Variants in DNAJC1 observed in about 807,000 individuals in gnomAD.
The protein encoded by DNAJC1 is DnaJ heat shock protein family (Hsp40) member C1.
In DNAJC1, 58 loss-of-function variants were observed where a neutral mutation model predicts 76.6. The ratio of observed to expected loss-of-function variants is 0.76; its 90% CI spans 0.61 to 0.94. DNAJC1 has a LOEUF of 0.94. Among genes scored for constraint, DNAJC1 ranks in the 40% least tolerant of loss-of-function variants. The pLI is 0.00. For synonymous variants in DNAJC1, 258 were observed against 267.9 expected, an observed-to-expected ratio of 0.96 and a Z score of 0.36; for missense variants, 689 against 677.3, an observed-to-expected ratio of 1.02 and a Z score of -0.19.
chr10:21,797,831 C>A (rs772078017), intron 9 of DNAJC1, among the ~76,000 whole-genome samples: 1 of 152,104 alleles, frequency 6.6e-6, no homozygotes, highest in Non-Finnish European at 1.5e-5. Context: ...TTCTCAGCCT[C>A]CAGAATTGTA....
At chr10:21,875,069 C>T (rs774856324) in intron 8 of DNAJC1, among the ~76,000 whole-genome samples, 15 of 152,200 alleles carry the variant, frequency 9.9e-5, no homozygotes, top group Non-Finnish European at 1.3e-4. Flanking sequence ...GTAGTAGAGA[C>T]GGCCTTTCAC....
chr10:21,822,734 G>T (rs1015702460), intron 8 of DNAJC1, among the ~76,000 whole-genome samples: 1 of 151,932 alleles, frequency 6.6e-6, no homozygotes, highest in Non-Finnish European at 1.5e-5. Context: ...AACATATCAA[G>T]CCAAATTGCT....
intron 1 of DNAJC1, among the ~76,000 whole-genome samples, chr10:21,969,223 CAAAAAA>C (rs561143181): frequency 2.3e-5 from 2 of 87,052 alleles, no homozygotes; most frequent in South Asian, 4.2e-4. Flanking sequence ...GACTCCATTT[CAAAAAA>C]AAAAAAAAAA....
intron 6 of DNAJC1, among the ~76,000 whole-genome samples, chr10:21,906,376 C>T (rs542294548): frequency 6.6e-6 from 1 of 152,102 alleles, no homozygotes; most frequent in Admixed American, 6.5e-5. Flanking sequence ...AAAAAGTCAA[C>T]CCTAAAGAAG....
intron 1 of DNAJC1, among the ~76,000 whole-genome samples, chr10:21,932,315 G>A (rs111752792): frequency 2.0e-5 from 3 of 152,228 alleles, no homozygotes; most frequent in African/African-American, 4.8e-5. Flanking sequence ...ACTCCAGCCC[G>A]GGTGACACAG....
At chr10:21,817,101 A>G (rs955806270) in intron 8 of DNAJC1, among the ~76,000 whole-genome samples, 14 of 134,486 alleles carry the variant, frequency 1.0e-4, no homozygotes, top group African/African-American at 3.9e-4. Flanking sequence ...TGGAGCTTGC[A>G]GTGAGCTGAG....
chr10:21,843,770 C>T (rs1724689155), intron 8 of DNAJC1, among the ~76,000 whole-genome samples: 1 of 150,792 alleles, frequency 6.6e-6, no homozygotes, highest in African/African-American at 2.4e-5. Context: ...GAGGAAGTCT[C>T]ACTCTGTCAT....
intron 8 of DNAJC1, among the ~76,000 whole-genome samples, chr10:21,815,378 C>G (rs981131509): frequency 6.6e-6 from 1 of 152,138 alleles, no homozygotes; most frequent in Non-Finnish European, 1.5e-5. Context: ...AAGGTGGAAT[C>G]TGTACAATCG....
chr10:21,969,354 T>C (rs1023859387), intron 1 of DNAJC1, among the ~76,000 whole-genome samples: 1 of 152,086 alleles, frequency 6.6e-6, no homozygotes, highest in Admixed American at 6.6e-5. Context: ...TAGCAACATT[T>C]CCAAAATAGG....
chr10:21,798,504 C>T (rs1323135283), intron 9 of DNAJC1, among the ~76,000 whole-genome samples: 1 of 152,154 alleles, frequency 6.6e-6, no homozygotes, highest in Non-Finnish European at 1.5e-5. Flanking sequence ...CCTTGTTGGG[C>T]CTTGCAAACC....
intron 1 of DNAJC1, among the ~76,000 whole-genome samples, chr10:22,001,247 CAA>C (rs1234124573): frequency 6.6e-6 from 1 of 152,184 alleles, no homozygotes; most frequent in African/African-American, 2.4e-5. Flanking sequence ...GGCTAGTCAC[CAA>C]ATGGCTCTGG....
At chr10:21,814,821 A>C (rs1835049429) in intron 8 of DNAJC1, among the ~76,000 whole-genome samples, 1 of 152,230 alleles carries the variant, frequency 6.6e-6, no homozygotes, top group Admixed American at 6.5e-5. Flanking sequence ...GAACAAAAGT[A>C]ACCTCACAGA....
intron 1 of DNAJC1, among the ~76,000 whole-genome samples, chr10:21,998,078 G>A (rs1460323933): frequency 6.6e-6 from 1 of 151,968 alleles, no homozygotes; most frequent in Non-Finnish European, 1.5e-5. Flanking sequence ...GGAAAGTCAT[G>A]GTCCCAAAAG....
At chr10:21,803,890 A>C (rs1834849231) in intron 9 of DNAJC1, 1 of 984,440 alleles carries the variant, frequency 1.0e-6, no homozygotes, top group South Asian at 4.7e-5. Context: ...CAAAAAACAA[A>C]AAAAAAATCA....
intron 8 of DNAJC1, among the ~76,000 whole-genome samples, chr10:21,857,099 A>G (rs148968979): frequency 6.6e-6 from 1 of 152,352 alleles, no homozygotes; most frequent in Non-Finnish European, 1.5e-5. Flanking sequence ...ACTCCATAAT[A>G]CAATTAACAA....
chr10:21,785,104 A>C (rs1292868542), intron 9 of DNAJC1, among the ~76,000 whole-genome samples: 1 of 152,228 alleles, frequency 6.6e-6, no homozygotes, highest in Non-Finnish European at 1.5e-5. Flanking sequence ...AGTCTTATTT[A>C]TAAATCAATA....
At chr10:21,979,948 T>C (rs887745117) in intron 1 of DNAJC1, among the ~76,000 whole-genome samples, 1 of 152,010 alleles carries the variant, frequency 6.6e-6, no homozygotes, top group Non-Finnish European at 1.5e-5. Flanking sequence ...AAAAGTCCTA[T>C]GACTTTTGCA....
At chr10:21,819,679 C>T (rs926799947) in intron 8 of DNAJC1, among the ~76,000 whole-genome samples, 8 of 152,076 alleles carry the variant, frequency 5.3e-5, no homozygotes, top group African/African-American at 1.9e-4. Flanking sequence ...CCTGTAATCC[C>T]AGCACTTTGG....
At chr10:21,892,325 T>C (rs1836474211) in intron 7 of DNAJC1, among the ~76,000 whole-genome samples, 1 of 151,550 alleles carries the variant, frequency 6.6e-6, no homozygotes, top group Non-Finnish European at 1.5e-5. Flanking sequence ...ATATTAAATG[T>C]AAATGGTTTA....
Sources: allele counts gnomAD v4.1 joint callset (sites outside exome capture counted in the v4.1 genomes callset), GRCh38; gene constraint gnomAD v4.1.1; transcripts MANE v1.5; gene names NCBI Gene and HGNC (gene_info 2026-07-23, HGNC 2026-07-21).